TCP11L2: variants seen among roughly 807,000 people sequenced by gnomAD.
TCP11L2 encodes T-complex protein 11-like protein 2.
Under a neutral mutation model 50.7 loss-of-function variants are expected in TCP11L2, and 39 were observed. The observed-to-expected ratio is 0.77, with a 90% CI of 0.60 to 1.01. TCP11L2 has a LOEUF of 1.01. Ranked by LOEUF, TCP11L2 falls within the 50% of genes least tolerant of loss-of-function variation. TCP11L2 has a pLI of 0.00. For synonymous variants in TCP11L2, 192 were observed against 219.3 expected, an observed-to-expected ratio of 0.88 and a Z score of 1.10; for missense variants, 612 against 614.7, an observed-to-expected ratio of 1.00 and a Z score of 0.05.
intron 5 of TCP11L2, 121 bp from the exon 6 acceptor site, chr12:106,323,389 A>G (rs1428527740): frequency 1.2e-6 from 1 of 820,166 alleles, no homozygotes; most frequent in Admixed American, 3.6e-5. Flanking sequence ...CCAAATGGCA[A>G]TTGGAACTTT....
chr12:106,298,503 T>C (rs909134252), upstream of TCP11L2, among the ~76,000 whole-genome samples: 6 of 152,000 alleles, frequency 3.9e-5, no homozygotes, highest in African/African-American at 7.3e-5. Context: ...TTGAAAAACA[T>C]TTTTTTTAAT....
chr12:106,311,341 A>G, intron 2 of TCP11L2, 109 bp downstream of exon 2: 1 of 1,275,766 alleles, frequency 7.8e-7, no homozygotes, highest in Non-Finnish European at 1.1e-6. Context: ...CCTCCTTTCT[A>G]GATGCACCAG....
rs751000462 is a variant in TCP11L2, at chr12:106,318,333, T to C, written c.294-11T>C. On this transcript the variant is annotated splice_polypyrimidine_tract_variant and intron_variant, in intron 3 of 9. Coordinates refer to ENST00000299045, the MANE Select transcript of TCP11L2 (RefSeq NM_152772.3). ...GCTTATTTTAAAAAACAATTCATTT[T>C]ATTGCCATAGTTTGGCTGGTCGAGT... The C allele has an allele frequency of 2.5e-6, 4 of 1,609,590 alleles. No individual in the cohort carries two copies. In the African/African-American group the frequency reaches 5.3e-5, roughly 22 times the overall value.
At chr12:106,323,732 A>T in intron 6 of TCP11L2, 86 bp downstream of exon 6, 2 of 471,962 alleles carry the variant, frequency 4.2e-6, no homozygotes, top group Non-Finnish European at 6.2e-6. Context: ...ATTAAATTAA[A>T]TTAAATTAAA....
chr12:106,342,910 G>A (rs1014169153), intron 9 of TCP11L2, among the ~76,000 whole-genome samples: 1 of 152,204 alleles, frequency 6.6e-6, no homozygotes, highest in Non-Finnish European at 1.5e-5. Flanking sequence ...GTATCAGAAG[G>A]AAGAGGGAAG....
intron 9 of TCP11L2, among the ~76,000 whole-genome samples, chr12:106,343,943 C>T (rs1229872476): frequency 2.7e-5 from 4 of 150,612 alleles, no homozygotes; most frequent in African/African-American, 9.7e-5. Context: ...AGGCCTAAGC[C>T]ACTGTGCCTG....
chr12:106,342,391 T>C (rs2036115885), intron 9 of TCP11L2, among the ~76,000 whole-genome samples: 2 of 152,154 alleles, frequency 1.3e-5, no homozygotes, highest in Admixed American at 6.5e-5. Flanking sequence ...ATGACCACTG[T>C]CACCTGTGGC....
intron 1 of TCP11L2, chr12:106,303,157 G>A (rs2034486256): frequency 6.6e-6 from 1 of 152,218 alleles, no homozygotes; most frequent in Admixed American, 6.5e-5. Context: ...GCGTGGGAGC[G>A]GGGAGCGGGG....
At chr12:106,308,440 A>G (rs1371644326) in intron 1 of TCP11L2, among the ~76,000 whole-genome samples, 1 of 152,214 alleles carries the variant, frequency 6.6e-6, no homozygotes, top group East Asian at 1.9e-4. Flanking sequence ...CAAGTGTGCT[A>G]TCCAGCTAAA....
At chr12:106,330,218 A>G (rs1393858783) in intron 6 of TCP11L2, 13 of 985,320 alleles carry the variant, frequency 1.3e-5, no homozygotes, top group Non-Finnish European at 1.6e-5. Flanking sequence ...GCCTCCTGGA[A>G]TAGCCTTGGC....
chr12:106,318,233 T>G, intron 3 of TCP11L2, 111 bp from the exon 4 acceptor site: 1 of 1,278,864 alleles, frequency 7.8e-7, no homozygotes, highest in Non-Finnish European at 1.1e-6. Context: ...TTAAGGACAA[T>G]TATTCTGTGT....
chr12:106,346,321 T>C lies in TCP11L2; in HGVS notation c.1351T>C (p.Cys451Arg), dbSNP rs1481621820. ...RIKLYMRRLL[C>R]LPSPQKCMPP... is the part of the protein sequence containing the mutation. ...TAAGCTTTACATGAGAAGGCTACTT[T>C]GTCTTCCAAGCCCTCAAAAATGCAT... The change falls in exon 10 of 10, where the codon TGT becomes CGT. Residue 451 changes from cysteine to arginine, a missense_variant. Coordinates refer to ENST00000299045, the MANE Select transcript of TCP11L2 (RefSeq NM_152772.3). The C allele has an allele frequency of 2.5e-6, 4 of 1,613,230 alleles. No individual in the cohort carries two copies. Among genetic ancestry groups the C allele is most frequent in the Non-Finnish European group, 3.4e-6 (4 of 1,179,478 alleles).
intron 9 of TCP11L2, among the ~76,000 whole-genome samples, chr12:106,344,155 T>C (rs1479588602): frequency 6.6e-6 from 1 of 151,516 alleles, no homozygotes; most frequent in African/African-American, 2.4e-5. Context: ...CCTGTCTATA[T>C]ATAAAAAAAG....
At chr12:106,299,703 G>T (rs116496927), upstream of TCP11L2, among the ~76,000 whole-genome samples, 312 of 152,214 alleles carry the variant, frequency 2.0e-3, 2 homozygotes, top group African/African-American at 6.7e-3. Context: ...AGAAATAGGG[G>T]ACAAGATCAC....
chr12:106,314,382 C>T lies in TCP11L2; in HGVS notation c.182C>T (p.Thr61Ile). Reference protein sequence around the residue: ...PASTSPPRVVTFDEVMATARN... With the variant: ...PASTSPPRVVIFDEVMATARN... Reference sequence around the variant, plus strand: ...GCAACAAGCCCTCCAAGGGTTGTAACATTTGATGAAGTGATGGCTACAGCA... The same window carrying T: ...GCAACAAGCCCTCCAAGGGTTGTAATATTTGATGAAGTGATGGCTACAGCA... Residue 61 changes from threonine to isoleucine, a missense_variant, in exon 3 of 10, where the codon ACA (threonine) becomes ATA (isoleucine). Coordinates refer to ENST00000299045, the MANE Select transcript of TCP11L2 (RefSeq NM_152772.3). The T allele has an allele frequency of 6.2e-7, 1 of 1,612,196 alleles. No individual in the cohort carries two copies. Among genetic ancestry groups the T allele is most frequent in the Non-Finnish European group, 8.5e-7 (1 of 1,178,408 alleles).
chr12:106,342,682 T>C (rs372956252), intron 9 of TCP11L2, among the ~76,000 whole-genome samples: 1 of 152,212 alleles, frequency 6.6e-6, no homozygotes, highest in South Asian at 2.1e-4. Flanking sequence ...GGTAAATGCA[T>C]AGGAGACTTG....
intron 6 of TCP11L2, among the ~76,000 whole-genome samples, chr12:106,334,896 GC>G (rs2035862409): frequency 6.6e-6 from 1 of 151,924 alleles, no homozygotes; most frequent in South Asian, 2.1e-4. Context: ...AGCTGAGATT[GC>G]CCCACTGCAC....
chr12:106,338,347 C>T (rs944290358), intron 8 of TCP11L2, among the ~76,000 whole-genome samples: 1 of 72,770 alleles, frequency 1.4e-5, no homozygotes, highest in Non-Finnish European at 3.5e-5. Flanking sequence ...GAGCCAGTAT[C>T]TGTTGTTCCC....
intron 6 of TCP11L2, among the ~76,000 whole-genome samples, chr12:106,332,060 A>G (rs1357969130): frequency 2.0e-5 from 3 of 152,218 alleles, no homozygotes; most frequent in Non-Finnish European, 4.4e-5. Context: ...TCTGTTTGAC[A>G]GATAATCAGT....
Sources: gnomAD v4.1 joint callset for allele counts (sites outside exome capture counted in the v4.1 genomes callset) on GRCh38, gnomAD v4.1.1 for gene constraint, MANE v1.5 for transcripts, NCBI Gene and HGNC (gene_info 2026-07-23, HGNC 2026-07-21) for gene names.